Variants in SREBF2 observed in about 807,000 individuals in gnomAD.
The protein encoded by SREBF2 is sterol regulatory element-binding protein 2.
In SREBF2, 55 loss-of-function variants were observed where a neutral mutation model predicts 113.1. The ratio of observed to expected loss-of-function variants is 0.49; its 90% CI spans 0.39 to 0.61. The LOEUF (loss-of-function observed/expected upper bound fraction) is 0.61. SREBF2 is among the 20% of genes least tolerant of loss of function. The probability of loss-of-function intolerance (pLI) is 0.00; values close to 1 mark genes in which losing one functional copy is unlikely to be tolerated. For missense variants in SREBF2, 1,349 were observed against 1,487.4 expected, an observed-to-expected ratio of 0.91 and a Z score of 1.53; for synonymous variants, 593 against 605.7, an observed-to-expected ratio of 0.98 and a Z score of 0.31.
chr22:41,839,086 G>T (rs529661633), intron 1 of SREBF2, among the ~76,000 whole-genome samples: 1 of 152,148 alleles, frequency 6.6e-6, no homozygotes, highest in South Asian at 2.1e-4. Context: ...AGGAGTGAGT[G>T]TTGGGGATGT....
intron 1 of SREBF2, among the ~76,000 whole-genome samples, chr22:41,844,793 C>T (rs2284082): frequency 0.74 from 112,065 of 151,912 alleles, 41,808 homozygotes; most frequent in African/African-American, 0.82. Flanking sequence ...GCTTAAGCCC[C>T]CTCCATCCCA....
intron 3 of SREBF2, among the ~76,000 whole-genome samples, chr22:41,869,183 T>C (rs1376026555): frequency 6.6e-6 from 1 of 152,170 alleles, no homozygotes; most frequent in Admixed American, 6.5e-5. Flanking sequence ...CAGCTCACTA[T>C]AACCTCCGCC....
chr22:41,872,541 C>T (rs2077155008), intron 4 of SREBF2, among the ~76,000 whole-genome samples: 1 of 152,090 alleles, frequency 6.6e-6, no homozygotes, highest in Non-Finnish European at 1.5e-5. Context: ...TGAAATTGGG[C>T]ACCTTTTTAT....
intron 1 of SREBF2, among the ~76,000 whole-genome samples, chr22:41,865,141 CAA>C (rs765432433): frequency 4.2e-5 from 4 of 94,800 alleles, no homozygotes; most frequent in South Asian, 3.1e-4. Context: ...CCACATCCCC[CAA>C]AAAACACACA....
chr22:41,865,450 T>C (rs1320835382), intron 1 of SREBF2, among the ~76,000 whole-genome samples: 1 of 152,148 alleles, frequency 6.6e-6, no homozygotes, highest in Non-Finnish European at 1.5e-5. Context: ...CTGACTTCTA[T>C]AGGGACCAGT....
intron 13 of SREBF2, 103 bp downstream of exon 13, chr22:41,895,040 C>G: frequency 2.2e-6 from 2 of 899,384 alleles, no homozygotes; most frequent in Non-Finnish European, 3.6e-6. Flanking sequence ...AGCCTGGCAT[C>G]GGGTTGGCAG....
intron 9 of SREBF2, among the ~76,000 whole-genome samples, chr22:41,880,127 G>A (rs764114683): frequency 1.9e-4 from 29 of 152,208 alleles, no homozygotes; most frequent in Admixed American, 3.3e-4. Flanking sequence ...CTGGGGTAAG[G>A]TCCAAGTGCT....
chr22:41,905,727 G>A lies in SREBF2; in HGVS notation c.*67G>A, dbSNP rs1453017764. 112 of 1,488,952 alleles carry A rather than the reference G, an allele frequency of 7.5e-5. No individual in the cohort carries two copies. The highest frequency in any genetic ancestry group is 5.1e-4 in the Middle Eastern group (3 of 5,852). 92.2% of individuals were successfully genotyped at this position (1,488,952 alleles called of 1,614,324 possible). The stretch of plus-strand genomic sequence containing the variant: ...TCTCTCTCCCCCTCAGCATCTTCCC[G>A]CTGAGAGTGGTGGGGAAGAGCCTTG... On this transcript the variant is annotated 3_prime_UTR_variant, in exon 19 of 19. Coordinates refer to ENST00000361204, the MANE Select transcript of SREBF2 (RefSeq NM_004599.4).
chr22:41,874,497 TAGG>T (rs1329338637), intron 5 of SREBF2, among the ~76,000 whole-genome samples: 1 of 152,238 alleles, frequency 6.6e-6, no homozygotes, highest in Non-Finnish European at 1.5e-5. Flanking sequence ...TTCTAGAAAG[TAGG>T]AGATTTTATT....
At chr22:41,874,612 A>C (rs1002047173) in intron 5 of SREBF2, among the ~76,000 whole-genome samples, 1 of 152,250 alleles carries the variant, frequency 6.6e-6, no homozygotes, top group Non-Finnish European at 1.5e-5. Context: ...TCTATGCCTT[A>C]AGATAACTGT....
At chr22:41,902,857 TC>T in intron 16 of SREBF2, 112 bp from the exon 17 acceptor site, 2 of 1,202,376 alleles carry the variant, frequency 1.7e-6, no homozygotes, top group South Asian at 1.3e-5. Flanking sequence ...GCTCTCCACT[TC>T]CTCCCAGAGC....
chr22:41,893,136 C>T lies in SREBF2; in HGVS notation c.2228C>T (p.Ala743Val). The T allele has an allele frequency of 1.2e-6, 2 of 1,613,878 alleles. No individual in the cohort carries two copies. The highest frequency in any genetic ancestry group is 1.3e-5 in the African/African-American group (1 of 75,060). The change falls in exon 12 of 19, where the codon GCC becomes GTC. Residue 743 changes from alanine to valine, a missense_variant. By Grantham distance (64) the Ala-to-Val change is moderately conservative. Around this residue, in one of 2 missense-constraint regions of SREBF2, gnomAD observed 650 missense variants for 644.1 expected, o/e 1.01. Coordinates refer to ENST00000361204, the MANE Select transcript of SREBF2 (RefSeq NM_004599.4). ...GFLASYFLSR[A>V]QSLCGPEHSA... ...CCACAGAGCTACTTCCTCAGCCGAGCCCAGAGCCTGTGTGGCCCCGAGCAC... is the reference window on the plus strand; with the variant it reads ...CCACAGAGCTACTTCCTCAGCCGAGTCCAGAGCCTGTGTGGCCCCGAGCAC...
intron 1 of SREBF2, among the ~76,000 whole-genome samples, chr22:41,864,612 G>A (rs985209004): frequency 7.9e-5 from 12 of 151,498 alleles, no homozygotes; most frequent in African/African-American, 2.7e-4. Flanking sequence ...GAGTCACCGC[G>A]CCCGGCCCAA....
intron 18 of SREBF2, 77 bp from the exon 19 acceptor site, chr22:41,905,363 T>A: frequency 7.4e-7 from 1 of 1,351,066 alleles, no homozygotes; most frequent in Non-Finnish European, 1.0e-6. Flanking sequence ...GTTCAGTGAA[T>A]GAGTCCAGGT....
rs1283408956 is a variant in SREBF2 at position 41,905,379 on chromosome 22, C to T, written c.3206-61C>T. On this transcript the variant is annotated intron_variant, in intron 18 of 18. Coordinates refer to ENST00000361204, the MANE Select transcript of SREBF2 (RefSeq NM_004599.4). ...TTCAGTGAATGAGTCCAGGTAACGC[C>T]AAGGAACTGCACCAACTTCATGGTA... The T allele has an allele frequency of 2.0e-6, 3 of 1,489,698 alleles. No homozygotes were observed. The African/African-American group carries it at 4.2e-5, about 21-fold the overall frequency. The allele number at this position is 1,489,698 out of a possible 1,614,324, so 92.3% of individuals were successfully genotyped here.
At chr22:41,895,656 G>A (rs1184830735) in intron 13 of SREBF2, among the ~76,000 whole-genome samples, 1 of 151,186 alleles carries the variant, frequency 6.6e-6, no homozygotes, top group Non-Finnish European at 1.5e-5. Context: ...GGCTGGTCTT[G>A]AACTCCTGAT....
chr22:41,833,485 G>T lies in SREBF2; in HGVS notation c.88+127G>T. On this transcript the variant is annotated intron_variant, in intron 1 of 18. Coordinates refer to ENST00000361204, the MANE Select transcript of SREBF2 (RefSeq NM_004599.4). The surrounding 1 kb of genome is among the most constrained non-coding windows in gnomAD (Gnocchi z 4.1). ...CGCGCGGGAAGAACCCCGTGCGCAC[G>T]GTGCCCCCGGCGGTCCTCAACCCTT... The T allele has an allele frequency of 1.3e-6, 1 of 754,068 alleles. No homozygotes were observed. The highest frequency in any genetic ancestry group is 2.0e-6 in the Non-Finnish European group (1 of 489,620). The allele number at this position is 754,068 out of a possible 1,614,324, so 46.7% of individuals were successfully genotyped here.
chr22:41,864,331 T>A (rs1313050860), intron 1 of SREBF2, among the ~76,000 whole-genome samples: 3 of 134,948 alleles, frequency 2.2e-5, no homozygotes, highest in African/African-American at 8.4e-5. Context: ...ATATTTTTTT[T>A]TTTTTTTGAG....
intron 4 of SREBF2, among the ~76,000 whole-genome samples, chr22:41,871,521 C>T (rs1401834442): frequency 3.3e-5 from 5 of 152,164 alleles, no homozygotes; most frequent in Admixed American, 2.6e-4. Context: ...GAACTGGAAG[C>T]AACTCAAATG....
Sources: allele counts gnomAD v4.1 joint callset (sites outside exome capture counted in the v4.1 genomes callset), GRCh38; gene constraint gnomAD v4.1.1; regional missense constraint gnomAD v4.1.1; non-coding constraint Gnocchi (gnomAD v3.1); transcripts MANE v1.5; gene names NCBI Gene and HGNC (gene_info 2026-07-23, HGNC 2026-07-21).